The following ZNF827 variants were observed in gnomAD, a reference collection of about 807,000 sequenced individuals.
ZNF827 encodes the protein zinc finger protein 827.
Under a neutral mutation model 102.4 loss-of-function variants are expected in ZNF827, and 13 were observed. That is an observed-to-expected ratio of 0.13 (90% CI 0.08 to 0.20). The LOEUF (loss-of-function observed/expected upper bound fraction) is 0.20, where lower values mean the gene tolerates loss of function less well. ZNF827 is among the 10% of genes least tolerant of loss of function. The pLI, the probability that ZNF827 is intolerant of heterozygous loss-of-function variation, is 1.00. For missense variants in ZNF827, 1,103 were observed against 1,344.4 expected (o/e 0.82, Z 2.81); for synonymous variants, 523 against 536.2 (o/e 0.98, Z 0.34).
In ZNF827 at chr4:145,806,746, C is replaced by T. The variant is rs146465903; in HGVS notation, c.2383+16676G>A. On this transcript the variant is annotated intron_variant, in intron 8 of 14. Transcript: ENST00000508784. ...ATGCTTATTATACATTTTGATATAA[C>T]GACTGAAAATACCCTCCCACGGCAG... is the stretch of plus-strand genomic sequence containing the variant. 3.7e-4 allele frequency among the ~76,000 whole-genome samples: 57 copies of T among 152,106 alleles called. No homozygotes were observed. In the East Asian group the frequency reaches 9.5e-3, roughly 25 times the overall value.
intron 1 of ZNF827, among the ~76,000 whole-genome samples, chr4:145,925,867 T>G (rs892160610): frequency 6.6e-6 from 1 of 152,374 alleles, no homozygotes; most frequent in East Asian, 1.9e-4. Context: ...CAACGGGTGG[T>G]TGAACCAGCT....
At chr4:145,892,524 T>C (rs759335589) in intron 2 of ZNF827, 109 bp from the exon 3 acceptor site, 7 of 1,225,098 alleles carry the variant, frequency 5.7e-6, no homozygotes, top group Non-Finnish European at 7.7e-6. Flanking sequence ...ATGATTTGGG[T>C]TTTTTTCTTG....
At chr4:145,846,537 C>T (rs1745967849) in intron 6 of ZNF827, among the ~76,000 whole-genome samples, 1 of 142,740 alleles carries the variant, frequency 7.0e-6, no homozygotes, top group African/African-American at 2.7e-5. Context: ...ATCACTCAGG[C>T]CAGGTGCTGT....
chr4:145,871,830 C>G lies in ZNF827; in HGVS notation c.1748-1352G>C, dbSNP rs187449967. Among the ~76,000 whole-genome samples, 474 of 152,256 alleles carry G rather than the reference C, an allele frequency of 3.1e-3. 2 individuals are homozygous for G. The highest frequency in any genetic ancestry group is 4.6e-3 in the Non-Finnish European group (310 of 68,016). ...TCACACAGACCAGCATATTTGGAAA[C>G]TGAACCCCAGAAGCCCAAAGAACTA... On this transcript the variant is annotated intron_variant, in intron 4 of 14. Coordinates refer to ENST00000508784, the MANE Select transcript of ZNF827 (RefSeq NM_001306215.2).
chr4:145,903,190 C>T lies in ZNF827; in HGVS notation c.69G>A (p.Glu23=). 6.2e-7 allele frequency: 1 copy of T among 1,611,362 alleles called. No homozygotes were observed. Among genetic ancestry groups the T allele is most frequent in the South Asian group, 1.1e-5 (1 of 90,930 alleles). Residue 23 remains glutamate (E), a synonymous_variant, in exon 2 of 15, where the codon GAG becomes GAA. Coordinates refer to ENST00000508784, the MANE Select transcript of ZNF827 (RefSeq NM_001306215.2). The part of the protein sequence containing the change: ...PSHVSRQEEA[E]GELSEGEHWY... ...AGTGTTCTCCTTCACTGAGCTCTCC[C>T]TCCGCCTCTTCCTGCCTACTAACAT...
intron 5 of ZNF827, among the ~76,000 whole-genome samples, chr4:145,867,978 T>C (rs1431053780): frequency 6.6e-6 from 1 of 152,212 alleles, no homozygotes; most frequent in East Asian, 1.9e-4. Context: ...ATTGTTAAAA[T>C]TACAATTTGA....
chr4:145,931,336 A>C (rs1381998604), intron 1 of ZNF827, among the ~76,000 whole-genome samples: 1 of 152,242 alleles, frequency 6.6e-6, no homozygotes, highest in Non-Finnish European at 1.5e-5. Flanking sequence ...TGTATCTCAG[A>C]AACAGGCACC....
chr4:145,870,673 T>C, intron 4 of ZNF827, 195 bp from the exon 5 acceptor site: 1 of 529,898 alleles, frequency 1.9e-6, no homozygotes, highest in East Asian at 2.9e-5. Context: ...CTGAGGAGTG[T>C]GGGCTTCTGA....
At chr4:145,818,221 CAT>C (rs1742786430) in intron 8 of ZNF827, among the ~76,000 whole-genome samples, 1 of 152,164 alleles carries the variant, frequency 6.6e-6, no homozygotes, top group African/African-American at 2.4e-5. Flanking sequence ...TGTCTGGTGA[CAT>C]ATTATCTGAC....
intron 8 of ZNF827, among the ~76,000 whole-genome samples, chr4:145,816,440 T>TTA (rs1458685548): frequency 6.6e-6 from 1 of 152,218 alleles, no homozygotes; most frequent in Non-Finnish European, 1.5e-5. Context: ...TGCGTGTACT[T>TTA]TAGTGTGTGA....
rs1579391642 is a variant in ZNF827, at chr4:145,857,092, C to A, written c.1982-7531G>T. On this transcript the variant is annotated intron_variant, in intron 5 of 14. Transcript: ENST00000508784. ...ATCATCAAAATCATAAAGTAACCAA[C>A]ATTTTCCCTCTATATCAGTATAATA... Among the ~76,000 whole-genome samples the A allele has an allele frequency of 1.3e-5, 2 of 152,288 alleles. 1 individual carries two copies. The highest frequency in any genetic ancestry group is 4.1e-4 in the South Asian group (2 of 4,832).
chr4:145,788,771 G>C (rs1034620110), intron 8 of ZNF827, among the ~76,000 whole-genome samples: 10 of 152,164 alleles, frequency 6.6e-5, no homozygotes, highest in Non-Finnish European at 1.3e-4. Context: ...AAGATTTAAG[G>C]TCTTAGCAAT....
intron 1 of ZNF827, among the ~76,000 whole-genome samples, chr4:145,907,804 ACAAC>A (rs1751986524): frequency 6.6e-6 from 1 of 152,250 alleles, no homozygotes; most frequent in African/African-American, 2.4e-5. Flanking sequence ...TCAATTTTAC[ACAAC>A]AGTCTGTTTT....
chr4:145,866,304 A>T (rs1748192988), intron 5 of ZNF827, among the ~76,000 whole-genome samples: 1 of 152,248 alleles, frequency 6.6e-6, no homozygotes, highest in African/African-American at 2.4e-5. Context: ...AGGTCACCGC[A>T]GAGATTAAAT....
chr4:145,829,868 T>C (rs1744036531), intron 7 of ZNF827, among the ~76,000 whole-genome samples: 1 of 149,702 alleles, frequency 6.7e-6, no homozygotes, highest in Non-Finnish European at 1.5e-5. Flanking sequence ...AGAACTGAAA[T>C]GCCACAGATG....
intron 5 of ZNF827, among the ~76,000 whole-genome samples, chr4:145,864,587 C>T (rs541880527): frequency 6.5e-4 from 98 of 151,890 alleles, no homozygotes; most frequent in African/African-American, 2.3e-3. Context: ...GAGCAAGACC[C>T]TGTCTCTAAA....
chr4:145,833,816 G>A (rs1486212542), intron 7 of ZNF827, among the ~76,000 whole-genome samples: 2 of 145,782 alleles, frequency 1.4e-5, no homozygotes, highest in South Asian at 2.2e-4. Context: ...TCCATGCCCC[G>A]ACCTCTTATT....
intron 4 of ZNF827, among the ~76,000 whole-genome samples, chr4:145,875,924 T>C (rs1342447698): frequency 6.6e-6 from 1 of 152,238 alleles, no homozygotes; most frequent in African/African-American, 2.4e-5. Context: ...TAAAATTAAT[T>C]AATTTAAAAT....
chr4:145,782,018 G>C (rs1260275325), intron 8 of ZNF827, among the ~76,000 whole-genome samples: 1 of 152,186 alleles, frequency 6.6e-6, no homozygotes, highest in Non-Finnish European at 1.5e-5. Flanking sequence ...GAAAGCTACC[G>C]AGGCTGTGCT....
Sources: allele counts gnomAD v4.1 joint callset (sites outside exome capture counted in the v4.1 genomes callset), GRCh38; gene constraint gnomAD v4.1.1; transcripts MANE v1.5; gene names NCBI Gene and HGNC (gene_info 2026-07-23, HGNC 2026-07-21).